Variants in CTNND2 observed in about 807,000 individuals in gnomAD.
The protein encoded by CTNND2 is catenin delta-2.
A neutral mutation model predicts 144.4 loss-of-function variants in CTNND2; 22 were observed. The ratio of observed to expected loss-of-function variants is 0.15; its 90% CI spans 0.11 to 0.22. The LOEUF (loss-of-function observed/expected upper bound fraction) is 0.22. CTNND2 is among the 10% of genes least tolerant of loss of function. The pLI is 1.00. For synonymous variants in CTNND2, 751 were observed against 695.6 expected (o/e 1.08, Z -1.25); for missense variants, 1,353 against 1,618.8 (o/e 0.84, Z 2.82).
chr5:11,703,094 G>A (rs1785528638), intron 2 of CTNND2, among the ~76,000 whole-genome samples: 1 of 152,180 alleles, frequency 6.6e-6, no homozygotes, highest in African/African-American at 2.4e-5. Context: ...GCTGGCTGGG[G>A]TTAAGAGTTG....
chr5:11,308,446 T>A (rs1750477936), intron 9 of CTNND2, among the ~76,000 whole-genome samples: 1 of 149,162 alleles, frequency 6.7e-6, no homozygotes, highest in African/African-American at 2.6e-5. Flanking sequence ...AAAACTTTAT[T>A]TACAAAAAAA....
chr5:11,745,285 A>G (rs1788246780), intron 1 of CTNND2, among the ~76,000 whole-genome samples: 4 of 152,072 alleles, frequency 2.6e-5, no homozygotes, highest in Admixed American at 2.6e-4. Flanking sequence ...CATTCTCAGG[A>G]GTCTTCTTTA....
chr5:11,313,818 G>T (rs1580877902), intron 9 of CTNND2, among the ~76,000 whole-genome samples: 4 of 152,276 alleles, frequency 2.6e-5, no homozygotes, highest in Admixed American at 2.6e-4. Context: ...GCATGGCTAA[G>T]AGGCCTCAGG....
intron 12 of CTNND2, among the ~76,000 whole-genome samples, chr5:11,135,797 C>T (rs957372955): frequency 1.4e-4 from 21 of 152,208 alleles, no homozygotes; most frequent in Admixed American, 7.9e-4. Context: ...GCACTGGCCC[C>T]TTACCATGCA....
At chr5:11,802,572 A>C (rs1791755015) in intron 1 of CTNND2, among the ~76,000 whole-genome samples, 1 of 152,196 alleles carries the variant, frequency 6.6e-6, no homozygotes, top group African/African-American at 2.4e-5. Flanking sequence ...CATCTCAAAA[A>C]AAAAAAAACG....
intron 2 of CTNND2, among the ~76,000 whole-genome samples, chr5:11,677,479 C>T (rs1339434393): frequency 6.6e-6 from 1 of 152,186 alleles, no homozygotes; most frequent in Non-Finnish European, 1.5e-5. Context: ...ACAGATCTGA[C>T]TGGTTTTCCA....
intron 1 of CTNND2, among the ~76,000 whole-genome samples, chr5:11,900,180 T>C (rs1582091336): frequency 6.6e-6 from 1 of 152,228 alleles, no homozygotes; most frequent in East Asian, 1.9e-4. Context: ...ATTGTTTCAC[T>C]TATTTAGTCA....
At chr5:11,382,595 C>CTGTGTGTGTGTGTGTGTGTGTGTG (rs71582432) in intron 7 of CTNND2, among the ~76,000 whole-genome samples, 8 of 130,148 alleles carry the variant, frequency 6.1e-5, no homozygotes, top group African/African-American at 2.4e-4. Context: ...GAGTGAGACT[C>CTGTGTGTGTGTGTGTGTGTGTGTG]TGTGTGTGTG....
chr5:11,155,376 C>T (rs1758126234), intron 12 of CTNND2, among the ~76,000 whole-genome samples: 2 of 152,190 alleles, frequency 1.3e-5, no homozygotes, highest in African/African-American at 4.8e-5. Flanking sequence ...ACAAAATAAC[C>T]TCATTTATTC....
At position 11,384,624 on chromosome 5, in the gene CTNND2, C is replaced by A. The variant is rs1277684727; in HGVS notation, c.1177+41G>T. ...GGCTGCTGCTTCCGCGTCCCCGCCA[C>A]GCGCCCAGGTGAGTCGCGCCAGGTG... On this transcript the variant is annotated intron_variant, in intron 7 of 21. Coordinates refer to ENST00000304623, the MANE Select transcript of CTNND2 (RefSeq NM_001332.4). The surrounding 1 kb of genome is among the most constrained non-coding windows in gnomAD (Gnocchi z 5.2). The A allele has an allele frequency of 3.9e-6, 6 of 1,546,412 alleles. No individual in the cohort carries two copies. Among genetic ancestry groups the A allele is most frequent in the Admixed American group, 3.9e-5 (2 of 51,730 alleles).
At chr5:11,894,311 A>G (rs1737225359) in intron 1 of CTNND2, among the ~76,000 whole-genome samples, 1 of 152,176 alleles carries the variant, frequency 6.6e-6, no homozygotes, top group African/African-American at 2.4e-5. Flanking sequence ...ACCACAAGGA[A>G]AAAATACAAG....
At chr5:11,773,824 A>G (rs1391785330) in intron 1 of CTNND2, among the ~76,000 whole-genome samples, 3 of 151,938 alleles carry the variant, frequency 2.0e-5, no homozygotes, top group Admixed American at 6.6e-5. Flanking sequence ...AAAAAAAAAA[A>G]AAAAAGCATA....
chr5:11,175,158 T>C (rs1267167641), intron 11 of CTNND2, among the ~76,000 whole-genome samples: 4 of 152,152 alleles, frequency 2.6e-5, no homozygotes, highest in African/African-American at 9.7e-5. Flanking sequence ...TCTGTATGGA[T>C]ATATATGGTA....
rs771729554 is a variant in CTNND2, at chr5:11,022,964, C to T, written c.2804G>A (p.Arg935Gln). Residue 935 changes from arginine to glutamine, a missense_variant, in exon 17 of 22, where the codon CGA (arginine) becomes CAA (glutamine). Arg to Gln is a conservative substitution (Grantham distance 43). This residue lies in a region of CTNND2 where 459 missense variants were observed against 674.3 expected (regional missense o/e 0.68). Transcript: ENST00000304623. ...NKELIGKYAM[R>Q]DLVHRLPGGN... The stretch of plus-strand genomic sequence containing the variant: ...TCCTGGAAGCCTGTGGACTAGGTCT[C>T]GCATGGCGTATTTGCCTGGAAAAGA... 17 of 1,614,052 alleles carry T rather than the reference C, an allele frequency of 1.1e-5. No homozygotes were observed. The highest frequency in any genetic ancestry group is 3.3e-5 in the Admixed American group (2 of 60,012).
At chr5:11,216,601 G>A (rs1739226440) in intron 10 of CTNND2, among the ~76,000 whole-genome samples, 1 of 152,232 alleles carries the variant, frequency 6.6e-6, no homozygotes. Context: ...ACACTGGGAT[G>A]TTAGCCCAGT....
chr5:11,376,700 T>C (rs1227665495), intron 7 of CTNND2, among the ~76,000 whole-genome samples: 2 of 152,158 alleles, frequency 1.3e-5, no homozygotes, highest in Admixed American at 1.3e-4. Context: ...GTCTAGAAGT[T>C]TCTTCAAGAG....
chr5:11,219,733 G>A (rs1739590014), intron 10 of CTNND2, among the ~76,000 whole-genome samples: 1 of 152,208 alleles, frequency 6.6e-6, no homozygotes, highest in African/African-American at 2.4e-5. Flanking sequence ...GCTAAGGAAT[G>A]CAGCCAGCCT....
At chr5:11,128,287 A>T (rs112335878) in intron 12 of CTNND2, among the ~76,000 whole-genome samples, 3,377 of 152,150 alleles carry the variant, frequency 0.022, 61 homozygotes, top group Non-Finnish European at 0.036. Context: ...GGCAGCTCTC[A>T]ACTGGCCACC....
chr5:11,578,719 G>A (rs1175210605), intron 2 of CTNND2, among the ~76,000 whole-genome samples: 1 of 151,436 alleles, frequency 6.6e-6, no homozygotes, highest in African/African-American at 2.4e-5. Flanking sequence ...TAGTGAACTG[G>A]CAATCACACA....
Sources: gnomAD v4.1 joint callset for allele counts (sites outside exome capture counted in the v4.1 genomes callset) on GRCh38, gnomAD v4.1.1 for gene constraint, gnomAD v4.1.1 regional missense constraint, Gnocchi (gnomAD v3.1) non-coding constraint, MANE v1.5 for transcripts, NCBI Gene and HGNC (gene_info 2026-07-23, HGNC 2026-07-21) for gene names.